SCIN: variants seen among roughly 807,000 people sequenced by gnomAD.
SCIN encodes adseverin.
In SCIN, 91 loss-of-function variants were observed where a neutral mutation model predicts 91.8. The ratio of observed to expected loss-of-function variants is 0.99; its 90% CI spans 0.84 to 1.18. The LOEUF (loss-of-function observed/expected upper bound fraction) is 1.18. SCIN is among the 50% of genes most tolerant of loss of function. The pLI is 0.00. For synonymous variants in SCIN, 367 were observed against 312.6 expected, an observed-to-expected ratio of 1.17 and a Z score of -1.84; for missense variants, 1,087 against 863.9, an observed-to-expected ratio of 1.26 and a Z score of -3.24.
intron 3 of SCIN, chr7:12,596,463 A>C (rs778752451): frequency 1.2e-4 from 56 of 456,096 alleles, no homozygotes; most frequent in South Asian, 8.5e-4. Context: ...TTCTGGTGCC[A>C]GCTGCCAATT....
chr7:12,598,400 C>T (rs775084072), intron 3 of SCIN, among the ~76,000 whole-genome samples: 4 of 151,010 alleles, frequency 2.6e-5, no homozygotes, highest in African/African-American at 4.9e-5. Context: ...AGTGTTGGGC[C>T]GCACAGTTTA....
intron 11 of SCIN, among the ~76,000 whole-genome samples, chr7:12,643,452 T>G (rs1398148668): frequency 6.6e-6 from 1 of 152,210 alleles, no homozygotes; most frequent in Non-Finnish European, 1.5e-5. Context: ...CATAATCACA[T>G]CTGATAGATT....
At chr7:12,591,835 A>G (rs1782729948) in intron 3 of SCIN, among the ~76,000 whole-genome samples, 1 of 152,070 alleles carries the variant, frequency 6.6e-6, no homozygotes, top group South Asian at 2.1e-4. Context: ...GGGAAAGTTG[A>G]ATTCCTAAGT....
At chr7:12,586,883 C>T (rs1782599057) in intron 3 of SCIN, among the ~76,000 whole-genome samples, 1 of 151,846 alleles carries the variant, frequency 6.6e-6, no homozygotes, top group Admixed American at 6.6e-5. Flanking sequence ...AAAATGAGCT[C>T]ATAGATCTAG....
rs779528986 is a variant in SCIN at position 12,620,350 on chromosome 7, A to G, written c.667-2451A>G. Among the ~76,000 whole-genome samples, 104 of 151,994 alleles carry G rather than the reference A, an allele frequency of 6.8e-4. 1 individual carries two copies. Among genetic ancestry groups the G allele is most frequent in the Non-Finnish European group, 1.3e-3 (85 of 67,950 alleles). The stretch of plus-strand genomic sequence containing the variant: ...TGAATTCTTTCACCAACATTTCTCC[A>G]TTTCCTCTATTTTTCAGCCCCTGGC... On this transcript the variant is annotated intron_variant, in intron 4 of 15. Transcript: ENST00000297029.
intron 1 of SCIN, among the ~76,000 whole-genome samples, chr7:12,573,295 G>A (rs556661099): frequency 2.6e-5 from 4 of 152,140 alleles, no homozygotes; most frequent in Non-Finnish European, 4.4e-5. Flanking sequence ...GAAATCAGCC[G>A]GAAGAAAGAG....
intron 11 of SCIN, 25 bp downstream of exon 11, chr7:12,640,542 A>C: frequency 6.3e-7 from 1 of 1,574,996 alleles, no homozygotes; most frequent in Non-Finnish European, 8.6e-7. Flanking sequence ...TCCATAAAAC[A>C]TGCCCTAGTT....
In SCIN at chr7:12,629,152, G is replaced by A; in HGVS notation, c.1249G>A (p.Gly417Ser). Residue 417 changes from glycine to serine, a missense_variant, in exon 9 of 16, where the codon GGT (glycine) becomes AGT (serine). Physicochemically the swap from Gly to Ser is moderately conservative, Grantham distance 56. Coordinates refer to ENST00000297029, the MANE Select transcript of SCIN (RefSeq NM_001112706.3). ...GRIQVDQNSY[G>S]EFYGGDCYII... ...GATCCAAGTTGACCAAAACTCATAT[G>A]GTGAATTCTATGGTGGTGACTGCTA... 2.5e-6 allele frequency: 4 copies of A among 1,613,152 alleles called. No homozygotes were observed. The highest frequency in any genetic ancestry group is 1.3e-5 in the African/African-American group (1 of 74,992).
At chr7:12,580,269 A>G (rs550633327) in intron 2 of SCIN, among the ~76,000 whole-genome samples, 8 of 152,156 alleles carry the variant, frequency 5.3e-5, no homozygotes, top group South Asian at 2.1e-4. Flanking sequence ...AAATAAAGAT[A>G]TGGTTCATAT....
chr7:12,592,716 G>A (rs568005034), intron 3 of SCIN, among the ~76,000 whole-genome samples: 1 of 151,618 alleles, frequency 6.6e-6, no homozygotes, highest in Non-Finnish European at 1.5e-5. Context: ...TGAGAAAATG[G>A]CATCAAACAG....
chr7:12,581,264 T>A (rs1782483066), intron 3 of SCIN, 43 bp downstream of exon 3: 1 of 1,526,868 alleles, frequency 6.5e-7, no homozygotes, highest in Non-Finnish European at 8.9e-7. Flanking sequence ...GAAAAGTGAA[T>A]TGCTTTCGGA....
intron 14 of SCIN, among the ~76,000 whole-genome samples, chr7:12,650,750 T>A (rs559111098): frequency 1.3e-5 from 2 of 152,300 alleles, no homozygotes; most frequent in Non-Finnish European, 2.9e-5. Flanking sequence ...ATCAATTTTT[T>A]AAAAAACACA....
intron 3 of SCIN, among the ~76,000 whole-genome samples, chr7:12,600,975 C>A (rs1782946432): frequency 6.6e-6 from 1 of 152,074 alleles, no homozygotes; most frequent in Admixed American, 6.5e-5. Context: ...GCCTCATATT[C>A]CAATGCCCAG....
chr7:12,585,515 C>T (rs1782569406), intron 3 of SCIN, among the ~76,000 whole-genome samples: 1 of 152,176 alleles, frequency 6.6e-6, no homozygotes, highest in South Asian at 2.1e-4. Context: ...CTTGCCTGAG[C>T]TCCAAGTCAG....
intron 1 of SCIN, among the ~76,000 whole-genome samples, chr7:12,575,553 C>T (rs891709750): frequency 1.3e-5 from 2 of 152,016 alleles, no homozygotes; most frequent in African/African-American, 4.8e-5. Context: ...TTTATTTTAT[C>T]ATGAATGGCT....
At chr7:12,635,374 G>C (rs1482068395) in intron 9 of SCIN, among the ~76,000 whole-genome samples, 1 of 151,322 alleles carries the variant, frequency 6.6e-6, no homozygotes, top group Non-Finnish European at 1.5e-5. Context: ...CACTTTGGGA[G>C]GCCGAGGTGG....
rs368690177 is a variant in SCIN at position 12,626,710 on chromosome 7, C to T, written c.1108C>T (p.Gln370Ter). The T allele has an allele frequency of 3.7e-6, 6 of 1,601,282 alleles. No individual in the cohort carries two copies. In the African/African-American group the frequency reaches 8.0e-5, roughly 21 times the overall value. Residue 370 changes from glutamine (Q) to a stop codon, truncating the protein, a stop_gained, in exon 8 of 16, where the codon CAA (glutamine) becomes TAA (stop). Coordinates refer to ENST00000297029, the MANE Select transcript of SCIN (RefSeq NM_001112706.3). LOFTEE classifies it high-confidence loss of function. ...YVTEKVAQIK[Q>*]IPFDASKLHS... ...CACAGAGAAAGTGGCTCAAATAAAA[C>T]AAATTCCCTTTGATGCCTCAAAATT...
intron 3 of SCIN, among the ~76,000 whole-genome samples, chr7:12,599,256 A>C (rs1399497303): frequency 6.6e-6 from 1 of 152,224 alleles, no homozygotes; most frequent in Non-Finnish European, 1.5e-5. Flanking sequence ...TGTAAAATAT[A>C]ATTATTAGAA....
rs1554298408 is a variant in SCIN at position 12,657,572 on chromosome 7, A to ATATATATATATATATTTT, written c.*4858_*4859insATATATATATATATTTTT. The ATATATATATATATATTTT allele has an allele frequency of 4.5e-5, 1 of 22,088 alleles. No individual in the cohort carries two copies. The highest frequency in any genetic ancestry group is 1.3e-4 in the Non-Finnish European group (1 of 7,720). The allele number at this position is 22,088 out of a possible 1,614,324, so 1.4% of individuals were successfully genotyped here. A position where few individuals can be genotyped will look rare whatever the true frequency, so the allele number is the denominator to read the frequency against. ...TATATATATATATATATATATATAT[A>ATATATATATATATATTTT]TTTTTTTTTTTTTTTTTTTTTTTTT... On this transcript the variant is annotated 3_prime_UTR_variant, in exon 16 of 16. Transcript: ENST00000297029.
Sources: gnomAD v4.1 joint callset for allele counts (sites outside exome capture counted in the v4.1 genomes callset) on GRCh38, gnomAD v4.1.1 for gene constraint, MANE v1.5 for transcripts, NCBI Gene and HGNC (gene_info 2026-07-23, HGNC 2026-07-21) for gene names.